The following AMBN variants were observed in gnomAD, a reference collection of about 807,000 sequenced individuals.
The protein encoded by AMBN is ameloblastin, also known as enamel matrix protein.
A neutral mutation model predicts 48.0 loss-of-function variants in AMBN; 54 were observed. The ratio of observed to expected loss-of-function variants is 1.12; its 90% CI spans 0.90 to 1.41. AMBN has a LOEUF of 1.41. AMBN is among the 40% of genes most tolerant of loss of function. AMBN has a pLI of 0.00. For synonymous variants in AMBN, 186 were observed against 190.0 expected, an observed-to-expected ratio of 0.98 and a Z score of 0.17; for missense variants, 571 against 547.3, an observed-to-expected ratio of 1.04 and a Z score of -0.43.
rs777785704 is a variant in AMBN at position 70,603,881 on chromosome 4, C to T, written c.758C>T (p.Ala253Val). The T allele has an allele frequency of 1.9e-6, 3 of 1,613,792 alleles. No individual in the cohort carries two copies. The highest frequency in any genetic ancestry group is 2.7e-5 in the African/African-American group (2 of 74,886). The part of the protein sequence containing the change: ...YVPFGANQLN[A>V]PARLGIMSSE... ...GCAATATTTCTTTTTGAACAGAATG[C>T]CCCTGCCAGACTTGGCATCATGAGT... is the stretch of plus-strand genomic sequence containing the variant. Residue 253 changes from alanine to valine, a missense_variant, in exon 12 of 13, where the codon GCC becomes GTC. By Grantham distance (64) the Ala-to-Val change is moderately conservative (BLOSUM62 0). Transcript: ENST00000322937.
rs1282846436 is a variant in AMBN at position 70,592,346 on chromosome 4, G to A, written c.-13G>A. On this transcript the variant is annotated 5_prime_UTR_variant, in exon 1 of 13. Transcript: ENST00000322937. The stretch of plus-strand genomic sequence containing the variant: ...ATCTTGGTTGGCATCATCAGGCCCT[G>A]AGAGCACAGTGCATGTCAGCATCTA... The A allele has an allele frequency of 6.2e-7, 1 of 1,614,006 alleles. No individual in the cohort carries two copies. The highest frequency in any genetic ancestry group is 1.1e-5 in the South Asian group (1 of 91,082).
At chr4:70,603,224 G>C (rs1737565446) in intron 9 of AMBN, 36 bp from the exon 10 acceptor site, 1 of 1,594,940 alleles carries the variant, frequency 6.3e-7, no homozygotes, top group Admixed American at 1.7e-5. Flanking sequence ...GGATGTGCCT[G>C]TGAGAATTAC....
At chr4:70,605,795 A>G (rs1490599296) in intron 12 of AMBN, among the ~76,000 whole-genome samples, 1 of 152,216 alleles carries the variant, frequency 6.6e-6, no homozygotes, top group Non-Finnish European at 1.5e-5. Flanking sequence ...TTTGGGGGAC[A>G]CTGAAAAATG....
chr4:70,603,007 A>G lies in AMBN; in HGVS notation c.645A>G (p.Ser215=), dbSNP rs1737559805. 6.2e-7 allele frequency: 1 copy of G among 1,606,212 alleles called. No homozygotes were observed. Among genetic ancestry groups the G allele is most frequent in the Non-Finnish European group, 8.5e-7 (1 of 1,176,948 alleles). ...TGGATTTTGCTGATCCACAAGGTTC[A>G]ACAGTAAGTACAGATCTCAATGAGA... is the stretch of plus-strand genomic sequence containing the variant. ...PGLDFADPQG[S]TIFQIARLIS... is the part of the protein sequence containing the mutation. Residue 215 remains serine, a synonymous_variant, in exon 9 of 13, where the codon TCA becomes TCG. Transcript: ENST00000322937.
At chr4:70,604,380 A>C (rs920994068) in intron 12 of AMBN, among the ~76,000 whole-genome samples, 1 of 152,180 alleles carries the variant, frequency 6.6e-6, no homozygotes, top group African/African-American at 2.4e-5. Context: ...GATTATTATA[A>C]ATGTCAATGT....
At chr4:70,596,216 G>C (rs1192839492) in intron 2 of AMBN, among the ~76,000 whole-genome samples, 1 of 150,588 alleles carries the variant, frequency 6.6e-6, no homozygotes, top group Non-Finnish European at 1.5e-5. Context: ...GCAGGCAGAG[G>C]TTGCAGTGAG....
At chr4:70,601,373 T>C in intron 5 of AMBN, 45 bp from the exon 6 acceptor site, 1 of 1,589,068 alleles carries the variant, frequency 6.3e-7, no homozygotes, top group Non-Finnish European at 8.6e-7. Flanking sequence ...CACCGTTGTT[T>C]AATGAGCCAT....
Position 70,603,876 on chromosome 4 carries a change from G to T in AMBN, c.754-1G>T, listed in dbSNP as rs1380680489. ...TTGACGCAATATTTCTTTTTGAACA[G>T]AATGCCCCTGCCAGACTTGGCATCA... is the stretch of plus-strand genomic sequence containing the variant. On this transcript the variant is annotated splice_acceptor_variant, in intron 11 of 12. Coordinates refer to ENST00000322937, the MANE Select transcript of AMBN (RefSeq NM_016519.6). LOFTEE classifies it high-confidence loss of function. 1.9e-6 allele frequency: 3 copies of T among 1,613,998 alleles called. No individual in the cohort carries two copies. The Admixed American group carries it at 5.0e-5, about 27-fold the overall frequency.
At chr4:70,597,237 C>A (rs1413436100) in intron 3 of AMBN, among the ~76,000 whole-genome samples, 188 bp downstream of exon 3, 1 of 152,106 alleles carries the variant, frequency 6.6e-6, no homozygotes, top group Admixed American at 6.5e-5. Context: ...TTTAAACTCT[C>A]AGGTGTTTTA....
chr4:70,606,034 A>T, intron 12 of AMBN, 151 bp from the exon 13 acceptor site: 2 of 854,078 alleles, frequency 2.3e-6, no homozygotes, highest in Non-Finnish European at 3.6e-6. Flanking sequence ...CAGTTTAGTG[A>T]GAAATGAGCT....
intron 11 of AMBN, 88 bp downstream of exon 11, chr4:70,603,548 A>G (rs769811556): frequency 7.7e-7 from 1 of 1,302,594 alleles, no homozygotes; most frequent in Non-Finnish European, 1.1e-6. Flanking sequence ...CACACAAGAG[A>G]TTCCAAATAA....
intron 9 of AMBN, 104 bp downstream of exon 9, chr4:70,603,114 G>A (rs1235288351): frequency 2.2e-6 from 3 of 1,390,274 alleles, no homozygotes; most frequent in African/African-American, 1.5e-5. Context: ...TGAATATGAA[G>A]TATAATGGGT....
rs545603808 is a variant in AMBN, at chr4:70,606,591, T to A, written c.1205T>A (p.Met402Lys). 3.0e-5 allele frequency: 48 copies of A among 1,614,018 alleles called. No homozygotes were observed. Among genetic ancestry groups the A allele is most frequent in the Non-Finnish European group, 3.9e-5 (46 of 1,180,014 alleles). The change falls in exon 13 of 13, where the codon ATG becomes AAG. Residue 402 changes from methionine (M) to lysine (K), a missense_variant. Coordinates refer to ENST00000322937, the MANE Select transcript of AMBN (RefSeq NM_016519.6). ...GTTTATAGGACCTACGATGCTGACA[T>A]GACCACATCCGTGGATTTCCAGGAA... ...ADVYRTYDAD[M>K]TTSVDFQEEA...
chr4:70,594,428 A>G (rs1315139640), intron 2 of AMBN, among the ~76,000 whole-genome samples: 1 of 152,232 alleles, frequency 6.6e-6, no homozygotes, highest in Non-Finnish European at 1.5e-5. Context: ...TGCATCCAGT[A>G]AATAAGACAT....
chr4:70,603,910 G>T lies in AMBN; in HGVS notation c.787G>T (p.Glu263Ter). 6.2e-7 allele frequency: 1 copy of T among 1,614,000 alleles called. No individual in the cohort carries two copies. Among genetic ancestry groups the T allele is most frequent in the Non-Finnish European group, 8.5e-7 (1 of 1,179,926 alleles). The part of the protein sequence containing the change: ...APARLGIMSS[E>*]EVAGGREDPM... Reference sequence around the variant, plus strand: ...TGCCAGACTTGGCATCATGAGTTCAGAAGAAGTGGCAGTGAGTAATGTCTT... The same window carrying T: ...TGCCAGACTTGGCATCATGAGTTCATAAGAAGTGGCAGTGAGTAATGTCTT... The change falls in exon 12 of 13, where the codon GAA becomes TAA. Residue 263 changes from glutamate (E) to a stop codon, truncating the protein, a stop_gained. Transcript: ENST00000322937. LOFTEE classifies it low-confidence loss of function (END_TRUNC).
chr4:70,606,833 G>A lies in AMBN; in HGVS notation c.*103G>A, dbSNP rs1005919535. The A allele has an allele frequency of 1.6e-6, 2 of 1,274,218 alleles. No individual in the cohort carries two copies. Among genetic ancestry groups the A allele is most frequent in the Non-Finnish European group, 2.1e-6 (2 of 945,858 alleles). 78.9% of individuals were successfully genotyped at this position (1,274,218 alleles called of 1,614,324 possible). On this transcript the variant is annotated 3_prime_UTR_variant, in exon 13 of 13. Transcript: ENST00000322937. Reference sequence around the variant, plus strand: ...CACTTATTACCCTTCTGCAGCAAAGGCATTAAAAGCGCTAAGCATATATTA... The same window carrying A: ...CACTTATTACCCTTCTGCAGCAAAGACATTAAAAGCGCTAAGCATATATTA...
At chr4:70,602,224 A>G (rs926755518) in intron 6 of AMBN, among the ~76,000 whole-genome samples, 1 of 152,202 alleles carries the variant, frequency 6.6e-6, no homozygotes, top group African/African-American at 2.4e-5. Context: ...CAGCCTTTTT[A>G]AAGAAAGGAA....
Position 70,601,458 on chromosome 4 carries a change from C to G in AMBN, c.335C>G (p.Ser112Ter). The G allele has an allele frequency of 6.2e-7, 1 of 1,614,220 alleles. No homozygotes were observed. Among genetic ancestry groups the G allele is most frequent in the South Asian group, 1.1e-5 (1 of 91,076 alleles). ...CCTGTGCATCCCCCACCTCTCCCATCACAGCCATCCTTGAAGCCTCAACAG... is the reference window on the plus strand; with the variant it reads ...CCTGTGCATCCCCCACCTCTCCCATGACAGCCATCCTTGAAGCCTCAACAG... ...SLPVHPPPLP[S>*]QPSLKPQQPG... The change falls in exon 6 of 13, where the codon TCA (serine) becomes TGA (stop). Residue 112 changes from serine (S) to a stop codon, truncating the protein, a stop_gained. Coordinates refer to ENST00000322937, the MANE Select transcript of AMBN (RefSeq NM_016519.6). LOFTEE classifies it high-confidence loss of function.
At chr4:70,593,472 C>T in intron 2 of AMBN, 77 bp downstream of exon 2, 1 of 1,244,094 alleles carries the variant, frequency 8.0e-7, no homozygotes, top group Non-Finnish European at 1.2e-6. Context: ...GGGATATGGA[C>T]TGAGAGTCCA....
Sources: allele counts gnomAD v4.1 joint callset (sites outside exome capture counted in the v4.1 genomes callset), GRCh38; gene constraint gnomAD v4.1.1; transcripts MANE v1.5; gene names NCBI Gene and HGNC (gene_info 2026-07-23, HGNC 2026-07-21).